The following CAPZB variants were observed in gnomAD, a reference collection of about 807,000 sequenced individuals.
CAPZB encodes F-actin-capping protein subunit beta.
CAPZB carries 2 observed loss-of-function variants against 38.1 expected under a neutral mutation model. The observed-to-expected ratio is 0.05, with a 90% confidence interval of 0.02 to 0.17. The LOEUF is 0.17. CAPZB is among the 10% of genes least tolerant of loss of function. The pLI is 1.00. For synonymous variants in CAPZB, 107 were observed against 127.4 expected (o/e 0.84, Z 1.08); for missense variants, 161 against 334.2 (o/e 0.48, Z 4.04).
At chr1:19,451,593 G>A (rs1355879357) in intron 1 of CAPZB, among the ~76,000 whole-genome samples, 1 of 152,108 alleles carries the variant, frequency 6.6e-6, no homozygotes, top group African/African-American at 2.4e-5. Flanking sequence ...AACTGAGAGG[G>A]AGACGCCACC....
chr1:19,354,224 C>T (rs1056380119), intron 6 of CAPZB, among the ~76,000 whole-genome samples: 7 of 152,184 alleles, frequency 4.6e-5, no homozygotes, highest in Admixed American at 3.3e-4. Context: ...ACAATCTAAT[C>T]CAAGGGGACA....
chr1:19,417,694 T>TA (rs1195660341), intron 2 of CAPZB, among the ~76,000 whole-genome samples: 1 of 152,132 alleles, frequency 6.6e-6, no homozygotes, highest in African/African-American at 2.4e-5. Context: ...TCCAACTTTA[T>TA]ACTTCAGTAT....
At chr1:19,432,636 G>C (rs2094446223) in intron 1 of CAPZB, among the ~76,000 whole-genome samples, 1 of 152,224 alleles carries the variant, frequency 6.6e-6, no homozygotes, top group Admixed American at 6.5e-5. Flanking sequence ...GGTTTCAGGA[G>C]AGCCTCACAA....
At chr1:19,366,077 A>G (rs1046580139) in intron 4 of CAPZB, among the ~76,000 whole-genome samples, 2 of 151,694 alleles carry the variant, frequency 1.3e-5, no homozygotes, top group East Asian at 3.9e-4. Context: ...CTCCTACCCT[A>G]TGTTCTCCCG....
chr1:19,456,948 G>A (rs947852238), intron 1 of CAPZB, among the ~76,000 whole-genome samples: 1 of 152,218 alleles, frequency 6.6e-6, no homozygotes, highest in African/African-American at 2.4e-5. Flanking sequence ...GGGCACTCTT[G>A]AAGATTTTCA....
chr1:19,360,342 A>G (rs1163669125), intron 4 of CAPZB, among the ~76,000 whole-genome samples: 2 of 152,214 alleles, frequency 1.3e-5, no homozygotes, highest in Admixed American at 1.3e-4. Context: ...AACAAACAAA[A>G]AAACCCTACT....
At chr1:19,477,198 C>G (rs2094609896) in intron 1 of CAPZB, among the ~76,000 whole-genome samples, 1 of 152,216 alleles carries the variant, frequency 6.6e-6, no homozygotes, top group Non-Finnish European at 1.5e-5. Flanking sequence ...TTCATGGCAT[C>G]CCCTGATGCC....
chr1:19,440,086 A>T (rs2094470875), intron 1 of CAPZB, among the ~76,000 whole-genome samples: 1 of 152,244 alleles, frequency 6.6e-6, no homozygotes, highest in Non-Finnish European at 1.5e-5. Context: ...TAACCTGCTT[A>T]GAAAGCACTT....
intron 2 of CAPZB, among the ~76,000 whole-genome samples, chr1:19,387,577 T>C (rs1313746155): frequency 6.6e-6 from 1 of 152,208 alleles, no homozygotes; most frequent in African/African-American, 2.4e-5. Flanking sequence ...GGCCTCAACT[T>C]TTGCCTGGAA....
chr1:19,441,692 AC>A (rs1558264833), intron 1 of CAPZB, among the ~76,000 whole-genome samples: 1 of 150,382 alleles, frequency 6.6e-6, no homozygotes. Flanking sequence ...AAAAAAAAAA[AC>A]AGCAGCACCA....
intron 3 of CAPZB, among the ~76,000 whole-genome samples, chr1:19,385,005 T>C (rs1236788744): frequency 6.6e-6 from 1 of 152,134 alleles, no homozygotes; most frequent in Admixed American, 6.5e-5. Context: ...CAGGGACTAA[T>C]GTCAACTTAG....
chr1:19,462,093 C>G (rs1342495477), intron 1 of CAPZB, among the ~76,000 whole-genome samples: 2 of 151,930 alleles, frequency 1.3e-5, no homozygotes, highest in Non-Finnish European at 2.9e-5. Flanking sequence ...CTGCAGTGAG[C>G]TGTGATCACA....
intron 1 of CAPZB, among the ~76,000 whole-genome samples, chr1:19,481,249 C>A (rs1441799907): frequency 6.6e-6 from 1 of 152,162 alleles, no homozygotes; most frequent in Non-Finnish European, 1.5e-5. Flanking sequence ...TCTGTGAAAG[C>A]CTAGGTCTGG....
At chr1:19,472,362 G>A (rs1017319346) in intron 1 of CAPZB, among the ~76,000 whole-genome samples, 4 of 152,126 alleles carry the variant, frequency 2.6e-5, no homozygotes, top group African/African-American at 7.2e-5. Context: ...CAAACCCTTG[G>A]GGCATGAACT....
chr1:19,366,340 T>C (rs2094088105), intron 4 of CAPZB, among the ~76,000 whole-genome samples: 1 of 143,930 alleles, frequency 6.9e-6, no homozygotes, highest in Non-Finnish European at 1.5e-5. Flanking sequence ...AGGGACACTT[T>C]TTGCTGTACT....
At position 19,484,780 on chromosome 1, in the gene CAPZB, G is replaced by A. The variant is rs78638399; in HGVS notation, c.3+656C>T. ...AGGAGTGGCGAAAAGTCCAGGGAAG[G>A]GGATCATGGTGGGGAGGGGGCAGTG... On this transcript the variant is annotated intron_variant, in intron 1 of 8. Transcript: ENST00000264202. 4.5e-4 allele frequency: 425 copies of A among 952,414 alleles called. 1 individual carries two copies. The African/African-American group carries it at 6.9e-3, about 15-fold the overall frequency. The allele number at this position is 952,414 out of a possible 1,614,324, so 59.0% of individuals were successfully genotyped here.
chr1:19,345,509 A>G (rs1387680125), intron 6 of CAPZB, among the ~76,000 whole-genome samples: 1 of 152,242 alleles, frequency 6.6e-6, no homozygotes, highest in Non-Finnish European at 1.5e-5. Context: ...CCCATGGTAG[A>G]GCAGGCAGAT....
intron 2 of CAPZB, among the ~76,000 whole-genome samples, chr1:19,400,907 C>A (rs552912670): frequency 2.6e-5 from 4 of 152,196 alleles, no homozygotes; most frequent in African/African-American, 9.7e-5. Context: ...CCGATCCTGA[C>A]CTGGTTCAGA....
At chr1:19,451,320 A>T (rs1402857016) in intron 1 of CAPZB, among the ~76,000 whole-genome samples, 1 of 152,184 alleles carries the variant, frequency 6.6e-6, no homozygotes, top group Non-Finnish European at 1.5e-5. Context: ...AGAGGCAGAG[A>T]ACAGAAACAG....
Sources: gnomAD v4.1 joint callset for allele counts (sites outside exome capture counted in the v4.1 genomes callset) on GRCh38, gnomAD v4.1.1 for gene constraint, MANE v1.5 for transcripts, NCBI Gene and HGNC (gene_info 2026-07-23, HGNC 2026-07-21) for gene names.